ERBIN: variants seen among roughly 807,000 people sequenced by gnomAD.
ERBIN encodes the protein erbb2 interacting protein.
ERBIN carries 60 observed loss-of-function variants against 158.4 expected under a neutral mutation model. That is an observed-to-expected ratio of 0.38 (90% CI 0.31 to 0.47). The LOEUF is 0.47. Ranked by LOEUF, ERBIN falls within the 20% of genes least tolerant of loss-of-function variation. The pLI, the probability that ERBIN is intolerant of heterozygous loss-of-function variation, is 0.99. For synonymous variants in ERBIN, 594 were observed against 557.2 expected (o/e 1.07, Z -0.93); for missense variants, 1,610 against 1,648.0 (o/e 0.98, Z 0.40).
At chr5:66,065,776 G>A (rs1760930019) in intron 21 of ERBIN, among the ~76,000 whole-genome samples, 1 of 152,030 alleles carries the variant, frequency 6.6e-6, no homozygotes, top group African/African-American at 2.4e-5. Flanking sequence ...TTATGTGAAG[G>A]AGGGGGAACA....
chr5:65,970,020 T>A (rs539767823), intron 1 of ERBIN, among the ~76,000 whole-genome samples: 1 of 152,338 alleles, frequency 6.6e-6, no homozygotes, highest in South Asian at 2.1e-4. Flanking sequence ...TATTGAGTGG[T>A]TTCACTTTTG....
chr5:66,063,255 C>T (rs990801699), intron 21 of ERBIN, among the ~76,000 whole-genome samples: 2 of 152,230 alleles, frequency 1.3e-5, no homozygotes, highest in Non-Finnish European at 2.9e-5. Flanking sequence ...GCCCCTCCCC[C>T]AGCCTCGCTG....
intron 25 of ERBIN, 48 bp downstream of exon 25, chr5:66,076,997 T>TA: frequency 7.7e-7 from 1 of 1,306,352 alleles, no homozygotes. Flanking sequence ...CACTCTAATG[T>TA]TTTCACAGTT....
At chr5:66,030,949 C>T (rs1292880690) in intron 14 of ERBIN, among the ~76,000 whole-genome samples, 23 of 152,166 alleles carry the variant, frequency 1.5e-4, no homozygotes, top group Admixed American at 1.5e-3. Flanking sequence ...AACCAAGTAT[C>T]TGCTACGGTT....
chr5:66,018,267 A>G (rs1755010347), intron 7 of ERBIN, among the ~76,000 whole-genome samples: 1 of 148,498 alleles, frequency 6.7e-6, no homozygotes, highest in Non-Finnish European at 1.5e-5. Flanking sequence ...TTTGGATAGT[A>G]TTGTCGTTTT....
intron 17 of ERBIN, among the ~76,000 whole-genome samples, chr5:66,045,792 AATT>A (rs1487830816): frequency 6.6e-6 from 1 of 152,136 alleles, no homozygotes; most frequent in East Asian, 1.9e-4. Context: ...ATGCCAGAAA[AATT>A]ATTATTATGG....
intron 4 of ERBIN, among the ~76,000 whole-genome samples, chr5:66,006,901 A>G (rs1753663803): frequency 1.3e-5 from 2 of 151,014 alleles, no homozygotes; most frequent in African/African-American, 5.0e-5. Flanking sequence ...CAGGTGCTGG[A>G]GAGGATGTGG....
rs757049054 is a variant in ERBIN, at chr5:66,076,905, G to A, written c.4087G>A (p.Gly1363Arg). Reference protein sequence around the residue: ...GIFVTRVQPEGPASKLLQPGD... With the variant: ...GIFVTRVQPERPASKLLQPGD... ...ATTTGTAACAAGGGTACAACCTGAAGGACCAGCATCAAAATTACTGCAGCC... is the reference window on the plus strand; with the variant it reads ...ATTTGTAACAAGGGTACAACCTGAAAGACCAGCATCAAAATTACTGCAGCC... Residue 1363 changes from glycine (G) to arginine (R), a missense_variant, in exon 25 of 26, where the codon GGA becomes AGA. By Grantham distance (125) the Gly-to-Arg change is moderately radical. Around this residue, in one of 2 missense-constraint regions of ERBIN, gnomAD observed 1,014 missense variants for 936.1 expected, o/e 1.08. Transcript: ENST00000284037. The A allele has an allele frequency of 2.5e-6, 4 of 1,609,318 alleles. No homozygotes were observed. Among genetic ancestry groups the A allele is most frequent in the Non-Finnish European group, 3.4e-6 (4 of 1,177,440 alleles).
At position 65,951,946 on chromosome 5, in the gene ERBIN, G is replaced by A. The variant is rs186797412; in HGVS notation, c.-58+25140G>A. On this transcript the variant is annotated intron_variant, in intron 1 of 25. Coordinates refer to ENST00000284037, the MANE Select transcript of ERBIN (RefSeq NM_001253697.2). ...TTCTTGTCTTTCTCTTGGAACTGTC[G>A]CAAGTTTTGGACAACATGTCATCGT... Among the ~76,000 whole-genome samples, 4 of 152,174 alleles carry A rather than the reference G, an allele frequency of 2.6e-5. No homozygotes were observed. In the East Asian group the frequency reaches 5.8e-4, roughly 22 times the overall value.
At chr5:66,076,984 T>A in intron 25 of ERBIN, 35 bp downstream of exon 25, 1 of 1,375,612 alleles carries the variant, frequency 7.3e-7, no homozygotes, top group Non-Finnish European at 1.0e-6. Flanking sequence ...TTTCATTTTA[T>A]AACACTCTAA....
At chr5:65,976,920 C>G (rs1303607758) in intron 1 of ERBIN, among the ~76,000 whole-genome samples, 1 of 151,992 alleles carries the variant, frequency 6.6e-6, no homozygotes, top group South Asian at 2.1e-4. Flanking sequence ...CTACCTCTTT[C>G]TACACAGACA....
In ERBIN at chr5:66,080,041, A is replaced by G. The variant is rs755720788; in HGVS notation, c.*1511A>G. ...TGAGGCTAGTCTGGAACCTTTCATT[A>G]GAGCAATATTTGGTTATTGCACTTC... is the stretch of plus-strand genomic sequence containing the variant. On this transcript the variant is annotated 3_prime_UTR_variant, in exon 26 of 26. Coordinates refer to ENST00000284037, the MANE Select transcript of ERBIN (RefSeq NM_001253697.2). 2.0e-5 allele frequency: 3 copies of G among 152,212 alleles called. No individual in the cohort carries two copies. The highest frequency in any genetic ancestry group is 2.9e-5 in the Non-Finnish European group (2 of 68,008). The allele number at this position is 152,212 out of a possible 1,614,324, so 9.4% of individuals were successfully genotyped here.
intron 1 of ERBIN, chr5:65,961,133 T>G (rs1014994540): frequency 6.6e-6 from 1 of 152,234 alleles, no homozygotes; most frequent in African/African-American, 2.4e-5. Context: ...TGTGTAATTC[T>G]GAAATTCAGA....
chr5:66,041,109 G>A (rs919699648), intron 15 of ERBIN, among the ~76,000 whole-genome samples: 1 of 151,956 alleles, frequency 6.6e-6, no homozygotes, highest in African/African-American at 2.4e-5. Flanking sequence ...ATTTCAGGAA[G>A]TGGTAGTGAT....
rs117772370 is a variant in ERBIN at position 66,036,148 on chromosome 5, A to C, written c.1207-2235A>C. ...AATCTGTGGTACTCATTTTTGTCTTACCTTACAGTGCTTTCGAACAGTGCT... is the reference window on the plus strand; with the variant it reads ...AATCTGTGGTACTCATTTTTGTCTTCCCTTACAGTGCTTTCGAACAGTGCT... On this transcript the variant is annotated intron_variant, in intron 14 of 25. Transcript: ENST00000284037. Among the ~76,000 whole-genome samples, 7 of 150,370 alleles carry C rather than the reference A, an allele frequency of 4.7e-5. No homozygotes were observed. The East Asian group carries it at 1.2e-3, about 25-fold the overall frequency.
chr5:66,048,438 G>A (rs1758672303), intron 18 of ERBIN, among the ~76,000 whole-genome samples: 1 of 151,848 alleles, frequency 6.6e-6, no homozygotes, highest in Admixed American at 6.6e-5. Context: ...AGGGAATAGA[G>A]GAGCAGTATC....
At chr5:65,931,180 G>A (rs1166534371) in intron 1 of ERBIN, among the ~76,000 whole-genome samples, 1 of 152,152 alleles carries the variant, frequency 6.6e-6, no homozygotes, top group Non-Finnish European at 1.5e-5. Context: ...ATCACAACAG[G>A]TATGACAGAG....
intron 1 of ERBIN, among the ~76,000 whole-genome samples, chr5:65,928,793 T>C (rs1742998155): frequency 1.3e-5 from 2 of 152,222 alleles, no homozygotes; most frequent in South Asian, 2.1e-4. Context: ...TTTTATACTA[T>C]TGTGAAACTA....
chr5:66,033,171 A>T (rs1237672602), intron 14 of ERBIN, among the ~76,000 whole-genome samples: 2 of 152,164 alleles, frequency 1.3e-5, no homozygotes, highest in African/African-American at 4.8e-5. Flanking sequence ...GTACTATTAT[A>T]GGTTTATTCT....
Sources: gnomAD v4.1 joint callset for allele counts (sites outside exome capture counted in the v4.1 genomes callset) on GRCh38, gnomAD v4.1.1 for gene constraint, gnomAD v4.1.1 regional missense constraint, MANE v1.5 for transcripts, NCBI Gene and HGNC (gene_info 2026-07-23, HGNC 2026-07-21) for gene names.